PAPPA2: variants seen among roughly 807,000 people sequenced by gnomAD.
PAPPA2 encodes the protein pappalysin-2.
A neutral mutation model predicts 176.4 loss-of-function variants in PAPPA2; 86 were observed. The observed-to-expected ratio is 0.49, with a 90% CI of 0.41 to 0.58. The LOEUF (loss-of-function observed/expected upper bound fraction) is 0.58, where lower values mean the gene tolerates loss of function less well. Ranked by LOEUF, PAPPA2 falls within the 20% of genes least tolerant of loss-of-function variation. The probability of loss-of-function intolerance (pLI) is 0.00; values close to 1 mark genes in which losing one functional copy is unlikely to be tolerated. For missense variants in PAPPA2, 2,073 were observed against 2,256.9 expected, an observed-to-expected ratio of 0.92 and a Z score of 1.65; for synonymous variants, 809 against 852.2, an observed-to-expected ratio of 0.95 and a Z score of 0.88.
At chr1:176,592,026 G>T (rs1653698424) in intron 2 of PAPPA2, among the ~76,000 whole-genome samples, 1 of 152,096 alleles carries the variant, frequency 6.6e-6, no homozygotes, top group African/African-American at 2.4e-5. Context: ...TCTCAATATG[G>T]CTTCAAAATA....
Position 176,789,968 on chromosome 1 carries a change from A to G in PAPPA2, c.4875A>G (p.Glu1625=). ...AGTGTGTGCTCAACTGTAACCAGGA[A>G]CGTGAAAAGGTAAGGAACATTTTTT... The part of the protein sequence containing the change: ...DSQCVLNCNQ[E]REKLPILCTK... Residue 1625 remains glutamate, a synonymous_variant, in exon 18 of 23, where the codon GAA becomes GAG. Transcript: ENST00000367662. 6 of 1,614,074 alleles carry G rather than the reference A, an allele frequency of 3.7e-6. No individual in the cohort carries two copies. In the Middle Eastern group the frequency reaches 5.0e-4, roughly 133 times the overall value.
At chr1:176,495,681 A>G (rs763957663) in intron 1 of PAPPA2, among the ~76,000 whole-genome samples, 2 of 152,118 alleles carry the variant, frequency 1.3e-5, no homozygotes, top group Non-Finnish European at 2.9e-5. Flanking sequence ...AAATATAGGT[A>G]TTGTTTATTA....
intron 2 of PAPPA2, among the ~76,000 whole-genome samples, chr1:176,589,253 G>T (rs544335264): frequency 6.6e-6 from 1 of 152,086 alleles, no homozygotes; most frequent in Non-Finnish European, 1.5e-5. Context: ...TCTCCTTGAG[G>T]ATAATTGACT....
chr1:176,686,904 T>TC (rs1659864997), intron 4 of PAPPA2, among the ~76,000 whole-genome samples: 1 of 152,180 alleles, frequency 6.6e-6, no homozygotes. Context: ...TGCTCCACAC[T>TC]CCAAGTTCTT....
chr1:176,516,420 G>A (rs1053065220), intron 1 of PAPPA2, among the ~76,000 whole-genome samples: 4 of 151,946 alleles, frequency 2.6e-5, no homozygotes, highest in Non-Finnish European at 5.9e-5. Context: ...CCATTTAGAA[G>A]CAAAGAAAGG....
intron 4 of PAPPA2, among the ~76,000 whole-genome samples, chr1:176,684,813 A>G (rs1659757318): frequency 6.6e-6 from 1 of 152,198 alleles, no homozygotes; most frequent in South Asian, 2.1e-4. Flanking sequence ...TCTTGCAATT[A>G]GCAGCCTAAT....
chr1:176,681,505 C>T (rs1278640917), intron 4 of PAPPA2, among the ~76,000 whole-genome samples: 1 of 152,102 alleles, frequency 6.6e-6, no homozygotes, highest in African/African-American at 2.4e-5. Flanking sequence ...TATGGCTTCA[C>T]ATGGATAGGA....
chr1:176,842,275 A>T (rs1239511658), intron 22 of PAPPA2, 105 bp from the exon 23 acceptor site: 1 of 1,025,320 alleles, frequency 9.8e-7, no homozygotes, highest in East Asian at 2.6e-5. Flanking sequence ...ATTGGCACAT[A>T]ATTCTACAGT....
At chr1:176,612,390 T>C (rs1654981095) in intron 3 of PAPPA2, among the ~76,000 whole-genome samples, 1 of 151,152 alleles carries the variant, frequency 6.6e-6, no homozygotes, top group African/African-American at 2.4e-5. Flanking sequence ...CGAGACCCTG[T>C]CTCAAAAAAA....
intron 20 of PAPPA2, among the ~76,000 whole-genome samples, chr1:176,798,733 C>A (rs2102947356): frequency 6.6e-6 from 1 of 152,276 alleles, no homozygotes; most frequent in Admixed American, 6.5e-5. Flanking sequence ...AGGCTGAACA[C>A]CCCTTTTGTG....
chr1:176,624,581 C>T (rs1007810962), intron 3 of PAPPA2, among the ~76,000 whole-genome samples: 3 of 152,138 alleles, frequency 2.0e-5, no homozygotes, highest in Non-Finnish European at 4.4e-5. Context: ...TCTAAATTCT[C>T]GTTATTTTCC....
In PAPPA2 at chr1:176,661,997, CAT is replaced by C. The variant is rs1035148102; in HGVS notation, c.1992-8972_1992-8971del. 3.9e-5 allele frequency among the ~76,000 whole-genome samples: 6 copies of C among 152,126 alleles called. No individual in the cohort carries two copies. In the East Asian group the frequency reaches 1.2e-3, roughly 29 times the overall value. ...ACATTGCATTTTAATTATTTGTTCA[CAT>C]GATTGTCTTGCTCATTGACTGAGCT... On this transcript the variant is annotated intron_variant, in intron 3 of 22. Transcript: ENST00000367662.
intron 1 of PAPPA2, among the ~76,000 whole-genome samples, chr1:176,514,674 C>T (rs1046406431): frequency 2.0e-5 from 3 of 152,168 alleles, no homozygotes; most frequent in African/African-American, 7.2e-5. Context: ...ACTTAAAAAA[C>T]GAGGTGTAGA....
intron 3 of PAPPA2, among the ~76,000 whole-genome samples, chr1:176,618,615 C>T (rs1655411894): frequency 6.6e-6 from 1 of 152,172 alleles, no homozygotes; most frequent in Non-Finnish European, 1.5e-5. Flanking sequence ...ATTTTGTAAA[C>T]ATAGATGATG....
At chr1:176,816,125 T>C (rs1666371710) in intron 21 of PAPPA2, among the ~76,000 whole-genome samples, 1 of 132,622 alleles carries the variant, frequency 7.5e-6, no homozygotes. Context: ...GATTGTGGGA[T>C]CCTGAGATTT....
chr1:176,658,611 CAGTT>C (rs1288623547), intron 3 of PAPPA2, among the ~76,000 whole-genome samples: 2 of 151,782 alleles, frequency 1.3e-5, no homozygotes, highest in African/African-American at 2.4e-5. Flanking sequence ...CCTTGAATGT[CAGTT>C]AGAATTTTGA....
At chr1:176,478,226 A>T (rs1359826633) in intron 1 of PAPPA2, among the ~76,000 whole-genome samples, 2 of 152,270 alleles carry the variant, frequency 1.3e-5, no homozygotes, top group South Asian at 4.1e-4. Context: ...TTAAGAATCC[A>T]GATTGATCTC....
intron 1 of PAPPA2, among the ~76,000 whole-genome samples, chr1:176,489,487 A>G (rs1652799343): frequency 6.6e-6 from 1 of 152,226 alleles, no homozygotes; most frequent in Non-Finnish European, 1.5e-5. Flanking sequence ...TTAGTTCTCC[A>G]GAGAGGCTGG....
intron 3 of PAPPA2, 141 bp from the exon 4 acceptor site, chr1:176,670,829 G>A (rs866824407): frequency 2.1e-6 from 2 of 969,244 alleles, no homozygotes; most frequent in African/African-American, 3.3e-5. Flanking sequence ...TGGTCTTCAT[G>A]ACAGGCTGGT....
Sources: allele counts gnomAD v4.1 joint callset (sites outside exome capture counted in the v4.1 genomes callset), GRCh38; gene constraint gnomAD v4.1.1; transcripts MANE v1.5; gene names NCBI Gene and HGNC (gene_info 2026-07-23, HGNC 2026-07-21).